Variants in ZNF423 observed in about 807,000 individuals in gnomAD.
ZNF423 encodes Ebf-associated zinc finger protein.
Under a neutral mutation model 95.8 loss-of-function variants are expected in ZNF423, and 12 were observed. That is an observed-to-expected ratio of 0.13 (90% CI 0.08 to 0.20). The LOEUF (loss-of-function observed/expected upper bound fraction) is 0.20, where lower values mean the gene tolerates loss of function less well. Ranked by LOEUF, ZNF423 falls within the 10% of genes least tolerant of loss-of-function variation. The probability of loss-of-function intolerance (pLI) is 1.00; values close to 1 mark genes in which losing one functional copy is unlikely to be tolerated. For missense variants in ZNF423, 1,316 were observed against 1,737.1 expected, an observed-to-expected ratio of 0.76 and a Z score of 4.31; for synonymous variants, 749 against 711.9, an observed-to-expected ratio of 1.05 and a Z score of -0.83.
intron 5 of ZNF423, among the ~76,000 whole-genome samples, chr16:49,539,291 C>G (rs1189787880): frequency 6.6e-6 from 1 of 152,212 alleles, no homozygotes; most frequent in African/African-American, 2.4e-5. Context: ...GCAAGGCTTG[C>G]TCTGTGGGGG....
At chr16:49,849,476 A>C (rs2035279052) in intron 1 of ZNF423, among the ~76,000 whole-genome samples, 1 of 152,242 alleles carries the variant, frequency 6.6e-6, no homozygotes, top group South Asian at 2.1e-4. Context: ...CTGCAATCTC[A>C]TTTGATGGGT....
At chr16:49,674,250 A>C (rs971415961) in intron 3 of ZNF423, among the ~76,000 whole-genome samples, 4 of 152,116 alleles carry the variant, frequency 2.6e-5, no homozygotes, top group Non-Finnish European at 2.9e-5. Flanking sequence ...CGCAAACAAA[A>C]TTTTGCTGTG....
chr16:49,495,641 C>G (rs578094871), intron 7 of ZNF423, among the ~76,000 whole-genome samples: 1 of 152,178 alleles, frequency 6.6e-6, no homozygotes, highest in African/African-American at 2.4e-5. Flanking sequence ...ATGGAAGGAG[C>G]GGGCCAGAGT....
chr16:49,540,277 TTTTTG>T (rs751837184), intron 5 of ZNF423, among the ~76,000 whole-genome samples: 61 of 152,008 alleles, frequency 4.0e-4, no homozygotes, highest in Non-Finnish European at 7.8e-4. Flanking sequence ...ATCCACAATG[TTTTTG>T]TTTTGTTTTG....
At chr16:49,787,118 A>T (rs2034326736) in intron 2 of ZNF423, among the ~76,000 whole-genome samples, 1 of 152,102 alleles carries the variant, frequency 6.6e-6, no homozygotes, top group African/African-American at 2.4e-5. Context: ...TGCTCAATAA[A>T]TGTGACATCG....
chr16:49,649,786 C>T (rs1973329853), intron 3 of ZNF423, among the ~76,000 whole-genome samples: 1 of 152,074 alleles, frequency 6.6e-6, no homozygotes, highest in Non-Finnish European at 1.5e-5. Context: ...CAAAAGTCCA[C>T]CCTGGGAAAG....
chr16:49,848,893 C>G (rs1276212083), intron 1 of ZNF423, among the ~76,000 whole-genome samples: 1 of 152,152 alleles, frequency 6.6e-6, no homozygotes, highest in African/African-American at 2.4e-5. Context: ...CAACAACCCG[C>G]AGCTCGAAGG....
intron 2 of ZNF423, among the ~76,000 whole-genome samples, chr16:49,777,153 C>T (rs752281410): frequency 1.3e-5 from 2 of 152,188 alleles, no homozygotes; most frequent in Admixed American, 1.3e-4. Context: ...TATGCATGCA[C>T]TTGGCTGTGC....
At chr16:49,565,450 C>T (rs557462890) in intron 5 of ZNF423, among the ~76,000 whole-genome samples, 3 of 152,350 alleles carry the variant, frequency 2.0e-5, no homozygotes, top group Admixed American at 6.5e-5. Flanking sequence ...AGAGCACCAT[C>T]GGCCCCTCTC....
intron 5 of ZNF423, among the ~76,000 whole-genome samples, chr16:49,554,149 C>T (rs543978460): frequency 1.5e-4 from 23 of 152,164 alleles, no homozygotes; most frequent in Non-Finnish European, 1.9e-4. Context: ...CAAGCTTATC[C>T]AGCTCCCAAC....
chr16:49,578,083 T>C (rs1032784830), intron 5 of ZNF423, among the ~76,000 whole-genome samples: 2 of 152,230 alleles, frequency 1.3e-5, no homozygotes, highest in Non-Finnish European at 2.9e-5. Flanking sequence ...TCCTCATTTC[T>C]CTGGGCAGGG....
chr16:49,513,735 G>A (rs1968000370), intron 7 of ZNF423, among the ~76,000 whole-genome samples: 1 of 152,130 alleles, frequency 6.6e-6, no homozygotes. Context: ...TGGAGAGTTT[G>A]GTGTAGACGT....
Position 49,737,841 on chromosome 16 carries a change from A to G in ZNF423, c.101-6870T>C, listed in dbSNP as rs545604934. Among the ~76,000 whole-genome samples, 14 of 152,362 alleles carry G rather than the reference A, an allele frequency of 9.2e-5. No homozygotes were observed. In the East Asian group the frequency reaches 2.5e-3, roughly 27 times the overall value. The stretch of plus-strand genomic sequence containing the variant: ...TCGGCCCCTGGCCAGCACACGAATC[A>G]GAAGGAAACTCACCCAGAAGGATGC... On this transcript the variant is annotated intron_variant, in intron 2 of 7. Coordinates refer to ENST00000563137, the MANE Select transcript of ZNF423 (RefSeq NM_001379286.1).
chr16:49,603,324 T>C lies in ZNF423; in HGVS notation c.3601+22846A>G, dbSNP rs1359710328. 6.6e-6 allele frequency among the ~76,000 whole-genome samples: 1 copy of C among 152,204 alleles called. No homozygotes were observed. The highest frequency in any genetic ancestry group is 2.4e-5 in the African/African-American group (1 of 41,458). The stretch of plus-strand genomic sequence containing the variant: ...AATCTTGCCTCCACACAGCACTGGC[T>C]TCAAGGACGTGTAATACATGCAGTC... On this transcript the variant is annotated intron_variant, in intron 5 of 7. Coordinates refer to ENST00000563137, the MANE Select transcript of ZNF423 (RefSeq NM_001379286.1). This position sits in a 1 kb window ranked among gnomAD's most constrained non-coding sequence, Gnocchi z 4.1.
chr16:49,840,787 GAC>G, intron 1 of ZNF423, among the ~76,000 whole-genome samples: 1 of 151,982 alleles, frequency 6.6e-6, no homozygotes, highest in South Asian at 2.1e-4. Flanking sequence ...CACAGACTCA[GAC>G]ACACGCACAG....
chr16:49,624,330 C>T (rs987520423), intron 5 of ZNF423, among the ~76,000 whole-genome samples: 9 of 152,128 alleles, frequency 5.9e-5, no homozygotes, highest in African/African-American at 1.4e-4. Context: ...ATGGGCAGAT[C>T]ACTTGAGGTC....
At chr16:49,754,468 A>G (rs142071447) in intron 2 of ZNF423, among the ~76,000 whole-genome samples, 4 of 152,292 alleles carry the variant, frequency 2.6e-5, no homozygotes, top group African/African-American at 9.6e-5. Flanking sequence ...TTGGAATGAG[A>G]TGAGACTCCC....
chr16:49,768,263 C>T (rs553951813), intron 2 of ZNF423, among the ~76,000 whole-genome samples: 349 of 152,242 alleles, frequency 2.3e-3, no homozygotes, highest in Middle Eastern at 0.014. Flanking sequence ...CGGACACCCC[C>T]GGATGGGCCA....
chr16:49,511,443 T>C (rs1422086412), intron 7 of ZNF423, among the ~76,000 whole-genome samples: 4 of 152,192 alleles, frequency 2.6e-5, no homozygotes, highest in Non-Finnish European at 4.4e-5. Context: ...TGGCCTCACA[T>C]TTCTCCACGC....
Sources: allele counts gnomAD v4.1 joint callset (sites outside exome capture counted in the v4.1 genomes callset), GRCh38; gene constraint gnomAD v4.1.1; non-coding constraint Gnocchi (gnomAD v3.1); transcripts MANE v1.5; gene names NCBI Gene and HGNC (gene_info 2026-07-23, HGNC 2026-07-21).